Variants in JAK2 observed in about 807,000 individuals in gnomAD.
JAK2 encodes tyrosine-protein kinase JAK2.
In JAK2, 86 loss-of-function variants were observed where a neutral mutation model predicts 139.3. That is an observed-to-expected ratio of 0.62 (90% CI 0.52 to 0.74). The LOEUF is 0.74. Ranked by LOEUF, JAK2 falls within the 30% of genes least tolerant of loss-of-function variation. The pLI, the probability that JAK2 is intolerant of heterozygous loss-of-function variation, is 0.00. For synonymous variants in JAK2, 490 were observed against 437.7 expected (o/e 1.12, Z -1.49); for missense variants, 1,421 against 1,360.3 (o/e 1.04, Z -0.70).
intron 5 of JAK2, among the ~76,000 whole-genome samples, chr9:5,048,451 T>C (rs979645136): frequency 5.3e-5 from 8 of 152,202 alleles, no homozygotes; most frequent in African/African-American, 1.9e-4. Context: ...CATCTACTAG[T>C]TCTATAGGGA....
At chr9:5,079,400 G>A (rs887356372) in intron 16 of JAK2, among the ~76,000 whole-genome samples, 22 of 152,030 alleles carry the variant, frequency 1.4e-4, no homozygotes, top group Admixed American at 1.2e-3. Flanking sequence ...GAGAAATTCC[G>A]TGATTTGAGC....
chr9:5,094,132 C>A (rs935491887), intron 22 of JAK2: 2 of 152,126 alleles, frequency 1.3e-5, no homozygotes, highest in Admixed American at 1.3e-4. Flanking sequence ...TACTTATATT[C>A]CCACTCTAAT....
At chr9:5,118,119 C>A (rs1823345166) in intron 22 of JAK2, among the ~76,000 whole-genome samples, 1 of 152,174 alleles carries the variant, frequency 6.6e-6, no homozygotes, top group South Asian at 2.1e-4. Flanking sequence ...GGAGACCTCG[C>A]CACTGCACTC....
intron 11 of JAK2, among the ~76,000 whole-genome samples, chr9:5,069,535 T>A (rs1818800336): frequency 6.6e-6 from 1 of 152,176 alleles, no homozygotes; most frequent in Non-Finnish European, 1.5e-5. Flanking sequence ...GGATTTTAAT[T>A]TCTGTATTTT....
In JAK2 at chr9:5,126,407, T is replaced by A. The variant is rs140219534; in HGVS notation, c.3252T>A (p.Asn1084Lys). The change falls in exon 24 of 25, where the codon AAT (asparagine) becomes AAA (lysine). Residue 1084 changes from asparagine (N) to lysine (K), a missense_variant. Asn to Lys is a moderately conservative substitution (Grantham distance 94). Transcript: ENST00000381652. ...TCCATTTGATAGAACTTTTGAAGAA[T>A]AATGGAAGATTACCAAGACCAGATG... is the stretch of plus-strand genomic sequence containing the variant. ...IVFHLIELLK[N>K]NGRLPRPDGC... The A allele has an allele frequency of 6.2e-7, 1 of 1,610,894 alleles. No homozygotes were observed. Among genetic ancestry groups the A allele is most frequent in the Non-Finnish European group, 8.5e-7 (1 of 1,177,944 alleles).
In JAK2 at chr9:5,129,612, TGAGA is replaced by T. The variant is rs1824213766; in HGVS notation, c.*2822_*2825del. Among the ~76,000 whole-genome samples, 1 of 152,136 alleles carries T rather than the reference TGAGA, an allele frequency of 6.6e-6. No homozygotes were observed. The highest frequency in any genetic ancestry group is 2.1e-4 in the South Asian group (1 of 4,832). Reference sequence around the variant, plus strand: ...TATCCAAACAAAAGACTAGGTTTTATGAGATAAGCTTGATTTAAGAAAAAAACAA... The same window carrying T: ...TATCCAAACAAAAGACTAGGTTTTATTAAGCTTGATTTAAGAAAAAAACAA... On this transcript the variant is annotated 3_prime_UTR_variant, in exon 25 of 25. Coordinates refer to ENST00000381652, the MANE Select transcript of JAK2 (RefSeq NM_004972.4).
chr9:5,080,945 G>C (rs2130612179), intron 18 of JAK2, among the ~76,000 whole-genome samples: 1 of 139,844 alleles, frequency 7.2e-6, no homozygotes, highest in Non-Finnish European at 1.5e-5. Context: ...GCCCAGGCTG[G>C]AGTGCAGTGG....
chr9:5,041,710 A>G (rs544894916), intron 4 of JAK2: 1 of 504,034 alleles, frequency 2.0e-6, no homozygotes. Flanking sequence ...TTCGACTCTG[A>G]GTACGAGGGG....
intron 3 of JAK2, among the ~76,000 whole-genome samples, chr9:5,028,103 C>T (rs1307986845): frequency 6.6e-6 from 1 of 152,144 alleles, no homozygotes; most frequent in Non-Finnish European, 1.5e-5. Context: ...TGAGAGGAAA[C>T]ACTGTGACAG....
At chr9:4,997,621 T>A (rs1820655534) in intron 2 of JAK2, among the ~76,000 whole-genome samples, 1 of 152,118 alleles carries the variant, frequency 6.6e-6, no homozygotes, top group Admixed American at 6.5e-5. Context: ...CACATGAAAT[T>A]TAAAGGGGAC....
chr9:4,989,989 G>T (rs1012493226), intron 2 of JAK2, among the ~76,000 whole-genome samples: 4 of 152,198 alleles, frequency 2.6e-5, no homozygotes, highest in African/African-American at 9.6e-5. Flanking sequence ...GAAAATCAAA[G>T]CAGCACCAGT....
rs1824166368 is a variant in JAK2 at position 5,128,800 on chromosome 9, T to C, written c.*2009T>C. Reference sequence around the variant, plus strand: ...TAAGATAACCCTGTAGTTATTAAGTTGGTTCTGTACAAGAAACAGGTAAGT... The same window carrying C: ...TAAGATAACCCTGTAGTTATTAAGTCGGTTCTGTACAAGAAACAGGTAAGT... On this transcript the variant is annotated 3_prime_UTR_variant, in exon 25 of 25. Coordinates refer to ENST00000381652, the MANE Select transcript of JAK2 (RefSeq NM_004972.4). Among the ~76,000 whole-genome samples, 1 of 152,104 alleles carries C rather than the reference T, an allele frequency of 6.6e-6. No individual in the cohort carries two copies. The highest frequency in any genetic ancestry group is 2.4e-5 in the African/African-American group (1 of 41,566).
chr9:5,116,601 G>T (rs980773589), intron 22 of JAK2, among the ~76,000 whole-genome samples: 1 of 152,130 alleles, frequency 6.6e-6, no homozygotes, highest in African/African-American at 2.4e-5. Context: ...GTTATATGAA[G>T]ATTCAGAGAT....
At chr9:5,007,026 C>G (rs1158753303) in intron 2 of JAK2, among the ~76,000 whole-genome samples, 1 of 151,748 alleles carries the variant, frequency 6.6e-6, no homozygotes, top group Non-Finnish European at 1.5e-5. Flanking sequence ...TTCTTTTTTT[C>G]TTGATCAGTC....
chr9:5,085,153 G>A (rs2130640713), intron 19 of JAK2: 1 of 648,060 alleles, frequency 1.5e-6, no homozygotes, highest in Admixed American at 1.8e-5. Flanking sequence ...ATACTGTGGA[G>A]CTCTGTCTAC....
chr9:5,090,432 C>T lies in JAK2; in HGVS notation c.2762-14C>T, dbSNP rs1056934896. 3 of 1,513,038 alleles carry T rather than the reference C, an allele frequency of 2.0e-6. No homozygotes were observed. Among genetic ancestry groups the T allele is most frequent in the African/African-American group, 1.4e-5 (1 of 71,982 alleles). 93.7% of individuals were successfully genotyped at this position (1,513,038 alleles called of 1,614,324 possible). On this transcript the variant is annotated splice_polypyrimidine_tract_variant and intron_variant, in intron 20 of 24. Coordinates refer to ENST00000381652, the MANE Select transcript of JAK2 (RefSeq NM_004972.4). ...TGGCAGAGTAAAACATTATTTCCAC[C>T]TTTATGTTAAAAGGTCGGCGTAATC...
chr9:5,069,860 C>T (rs1356968816), intron 11 of JAK2, 65 bp from the exon 12 acceptor site: 1 of 1,080,140 alleles, frequency 9.3e-7, no homozygotes. Flanking sequence ...CATTTTACTC[C>T]TCTTTGGAGC....
At chr9:5,120,738 T>C (rs746223731) in intron 22 of JAK2, among the ~76,000 whole-genome samples, 1 of 152,168 alleles carries the variant, frequency 6.6e-6, no homozygotes, top group Non-Finnish European at 1.5e-5. Context: ...AGGAGACTGA[T>C]TGGAGATATT....
chr9:5,010,698 T>A (rs1315476053), intron 2 of JAK2, among the ~76,000 whole-genome samples: 1 of 152,216 alleles, frequency 6.6e-6, no homozygotes, highest in Non-Finnish European at 1.5e-5. Context: ...ATTTTTGAGC[T>A]CTTCATTCCT....
Sources: gnomAD v4.1 joint callset for allele counts (sites outside exome capture counted in the v4.1 genomes callset) on GRCh38, gnomAD v4.1.1 for gene constraint, MANE v1.5 for transcripts, NCBI Gene and HGNC (gene_info 2026-07-23, HGNC 2026-07-21) for gene names.